Variants in LSAMP observed in about 807,000 individuals in gnomAD.
LSAMP encodes limbic system associated membrane protein.
In LSAMP, 7 loss-of-function variants were observed where a neutral mutation model predicts 38.6. That is an observed-to-expected ratio of 0.18 (90% confidence interval 0.10 to 0.34). The LOEUF is 0.34. LSAMP is among the 10% of genes least tolerant of loss of function. The pLI is 1.00. For synonymous variants in LSAMP, 154 were observed against 166.8 expected, an observed-to-expected ratio of 0.92 and a Z score of 0.59; for missense variants, 313 against 420.0, an observed-to-expected ratio of 0.75 and a Z score of 2.23.
rs532470229 is a variant in LSAMP at position 116,421,821 on chromosome 3, A to G, written c.155+23056T>C. Among the ~76,000 whole-genome samples, 5 of 152,358 alleles carry G rather than the reference A, an allele frequency of 3.3e-5. 1 individual carries two copies. Among genetic ancestry groups the G allele is most frequent in the African/African-American group, 1.2e-4 (5 of 41,582 alleles). On this transcript the variant is annotated intron_variant, in intron 1 of 6. Coordinates refer to ENST00000490035, the MANE Select transcript of LSAMP (RefSeq NM_002338.5). ...TATGAAAAACCTGAAACAGTCATAT[A>G]TTGCTGGTGGGAACCTAAAATGGTG...
At chr3:116,015,938 A>G (rs1407905817) in intron 3 of LSAMP, among the ~76,000 whole-genome samples, 1 of 152,126 alleles carries the variant, frequency 6.6e-6, no homozygotes, top group Non-Finnish European at 1.5e-5. Flanking sequence ...CGAGTTAATT[A>G]CAGGTATATT....
chr3:116,371,494 A>C (rs1244973182), intron 1 of LSAMP, among the ~76,000 whole-genome samples: 2 of 152,102 alleles, frequency 1.3e-5, no homozygotes, highest in African/African-American at 4.8e-5. Flanking sequence ...ATCCTTTTAC[A>C]ACAAAAACAA....
intron 3 of LSAMP, among the ~76,000 whole-genome samples, chr3:115,997,615 C>G (rs1939850543): frequency 1.3e-5 from 2 of 149,016 alleles, no homozygotes; most frequent in Admixed American, 6.8e-5. Context: ...AGTGCAAAGG[C>G]CCTGAGGTTG....
intron 1 of LSAMP, among the ~76,000 whole-genome samples, chr3:116,397,429 A>C (rs2107821213): frequency 6.8e-6 from 1 of 147,386 alleles, no homozygotes; most frequent in South Asian, 2.2e-4. Flanking sequence ...ACCTTTGAAA[A>C]CCATATCCCT....
intron 1 of LSAMP, among the ~76,000 whole-genome samples, chr3:116,236,765 G>C (rs560240917): frequency 6.6e-6 from 1 of 151,928 alleles, no homozygotes; most frequent in Non-Finnish European, 1.5e-5. Flanking sequence ...TTTACCTCAA[G>C]ATATTTGAAT....
At chr3:116,109,911 A>G (rs1708560762) in intron 1 of LSAMP, among the ~76,000 whole-genome samples, 1 of 150,582 alleles carries the variant, frequency 6.6e-6, no homozygotes, top group Admixed American at 6.6e-5. Context: ...GCACAGAGAT[A>G]AGAGGATGGG....
intron 1 of LSAMP, among the ~76,000 whole-genome samples, chr3:116,105,365 G>A (rs539526253): frequency 1.3e-5 from 2 of 152,242 alleles, no homozygotes; most frequent in South Asian, 2.1e-4. Flanking sequence ...ACTTTCATGC[G>A]CGTCCGTGTG....
intron 1 of LSAMP, among the ~76,000 whole-genome samples, chr3:116,387,805 C>G (rs150286280): frequency 6.6e-6 from 1 of 152,168 alleles, no homozygotes; most frequent in African/African-American, 2.4e-5. Flanking sequence ...TTGAAAATAT[C>G]TACTTTTGCC....
chr3:115,964,599 A>G (rs1462827715), intron 3 of LSAMP, among the ~76,000 whole-genome samples: 1 of 152,184 alleles, frequency 6.6e-6, no homozygotes, highest in East Asian at 1.9e-4. Flanking sequence ...GGAAAGAAAC[A>G]AAACATTCAT....
chr3:115,961,419 G>A (rs983963933), intron 3 of LSAMP, among the ~76,000 whole-genome samples: 52 of 152,228 alleles, frequency 3.4e-4, no homozygotes, highest in African/African-American at 1.3e-3. Flanking sequence ...TTTAGAATTC[G>A]TAGCAAGAAG....
chr3:116,037,313 A>G (rs961913617), intron 2 of LSAMP, among the ~76,000 whole-genome samples: 3 of 152,162 alleles, frequency 2.0e-5, no homozygotes, highest in South Asian at 2.1e-4. Context: ...GGATTTCAGG[A>G]TAATAGTGAG....
intron 1 of LSAMP, among the ~76,000 whole-genome samples, chr3:116,441,362 T>C (rs2049432413): frequency 6.6e-6 from 1 of 152,238 alleles, no homozygotes; most frequent in Non-Finnish European, 1.5e-5. Flanking sequence ...CATGTGTATG[T>C]ACGTTTTACA....
chr3:116,067,009 C>A (rs1178624065), intron 2 of LSAMP, among the ~76,000 whole-genome samples: 9 of 152,076 alleles, frequency 5.9e-5, no homozygotes. Flanking sequence ...GAAAGAGAAG[C>A]CTCAGCTTAG....
intron 1 of LSAMP, among the ~76,000 whole-genome samples, chr3:116,374,841 T>C (rs576692982): frequency 6.6e-6 from 1 of 151,960 alleles, no homozygotes; most frequent in Non-Finnish European, 1.5e-5. Context: ...TGAGCTCTCC[T>C]AGGACCCCAG....
At chr3:116,282,601 C>T (rs1179013816) in intron 1 of LSAMP, among the ~76,000 whole-genome samples, 1 of 152,162 alleles carries the variant, frequency 6.6e-6, no homozygotes, top group Non-Finnish European at 1.5e-5. Flanking sequence ...CTCTCAATCC[C>T]ACATTTTCTG....
intron 1 of LSAMP, among the ~76,000 whole-genome samples, chr3:116,237,256 A>G (rs978198875): frequency 5.8e-4 from 88 of 152,298 alleles, no homozygotes; most frequent in Non-Finnish European, 2.6e-4. Context: ...TGTAAACCCT[A>G]TAAGTACTGT....
chr3:116,195,155 T>C (rs1266826231), intron 1 of LSAMP, among the ~76,000 whole-genome samples: 1 of 152,212 alleles, frequency 6.6e-6, no homozygotes, highest in African/African-American at 2.4e-5. Context: ...CCTCTAGAGA[T>C]CAATCCCTTG....
chr3:116,432,887 G>C (rs929346529), intron 1 of LSAMP, among the ~76,000 whole-genome samples: 2 of 152,078 alleles, frequency 1.3e-5, no homozygotes, highest in Non-Finnish European at 2.9e-5. Flanking sequence ...ATAGAACAGA[G>C]GTCAGAAAGA....
At chr3:116,222,799 G>T (rs574471396) in intron 1 of LSAMP, among the ~76,000 whole-genome samples, 4 of 125,092 alleles carry the variant, frequency 3.2e-5, no homozygotes, top group Non-Finnish European at 6.3e-5. Flanking sequence ...CCAGTGGCGC[G>T]ATCTCGGCTC....
Sources: allele counts gnomAD v4.1 joint callset (sites outside exome capture counted in the v4.1 genomes callset), GRCh38; gene constraint gnomAD v4.1.1; transcripts MANE v1.5; gene names NCBI Gene and HGNC (gene_info 2026-07-23, HGNC 2026-07-21).